Variants in ITGA6 observed in about 807,000 individuals in gnomAD.
ITGA6 encodes the protein integrin alpha-6.
Under a neutral mutation model 133.6 loss-of-function variants are expected in ITGA6, and 63 were observed. The ratio of observed to expected loss-of-function variants is 0.47; its 90% confidence interval spans 0.38 to 0.58. ITGA6 has a LOEUF of 0.58. ITGA6 is among the 20% of genes least tolerant of loss of function. The pLI is 0.00. For missense variants in ITGA6, 1,068 were observed against 1,309.4 expected (o/e 0.82, Z 2.85); for synonymous variants, 434 against 482.0 (o/e 0.90, Z 1.30).
intron 1 of ITGA6, among the ~76,000 whole-genome samples, chr2:172,445,916 G>A (rs1208601044): frequency 6.6e-6 from 1 of 152,222 alleles, no homozygotes; most frequent in Non-Finnish European, 1.5e-5. Flanking sequence ...ATTATTGGAA[G>A]CAGCAGTGTG....
intron 1 of ITGA6, among the ~76,000 whole-genome samples, chr2:172,449,887 C>T (rs1238080753): frequency 1.4e-5 from 2 of 143,428 alleles, no homozygotes; most frequent in Non-Finnish European, 3.0e-5. Flanking sequence ...TGCCACTGCA[C>T]TCCAGCCTGG....
chr2:172,495,920 C>T (rs112740461), intron 23 of ITGA6, among the ~76,000 whole-genome samples: 1 of 152,220 alleles, frequency 6.6e-6, no homozygotes, highest in Non-Finnish European at 1.5e-5. Context: ...AAAGCTGATT[C>T]TCCTTGCCGA....
At chr2:172,475,225 T>C (rs1299764070) in intron 7 of ITGA6, 103 bp downstream of exon 7, 1 of 843,712 alleles carries the variant, frequency 1.2e-6, no homozygotes, top group African/African-American at 1.7e-5. Flanking sequence ...CCCAGCACTT[T>C]GGGAGGCTGA....
At chr2:172,484,297 G>A (rs10930558) in intron 11 of ITGA6, among the ~76,000 whole-genome samples, 45,182 of 152,092 alleles carry the variant, frequency 0.3, 7,739 homozygotes, top group East Asian at 0.81. Context: ...GGTGTGACTG[G>A]GCCTGAGGTT....
chr2:172,437,471 G>A (rs1684368674), intron 1 of ITGA6, among the ~76,000 whole-genome samples: 1 of 152,178 alleles, frequency 6.6e-6, no homozygotes, highest in Non-Finnish European at 1.5e-5. Context: ...TGTGTCCAAA[G>A]TTTTTGACCT....
intron 1 of ITGA6, among the ~76,000 whole-genome samples, chr2:172,447,656 T>C (rs545641052): frequency 1.3e-5 from 2 of 152,344 alleles, no homozygotes; most frequent in South Asian, 2.1e-4. Flanking sequence ...CTTGAGGTTA[T>C]TGAAATTCTT....
At chr2:172,496,199 C>G (rs1428434932) in intron 23 of ITGA6, among the ~76,000 whole-genome samples, 2 of 152,190 alleles carry the variant, frequency 1.3e-5, no homozygotes, top group African/African-American at 2.4e-5. Flanking sequence ...TTGTAGATGT[C>G]CCTGTGCTGA....
At chr2:172,474,505 GTC>G (rs35257362) in intron 6 of ITGA6, among the ~76,000 whole-genome samples, 22,122 of 152,116 alleles carry the variant, frequency 0.15, 1,721 homozygotes, top group Non-Finnish European at 0.17. Context: ...GGGATCATGA[GTC>G]TATGAGAATT....
At chr2:172,438,276 G>A (rs955979248) in intron 1 of ITGA6, among the ~76,000 whole-genome samples, 1 of 151,752 alleles carries the variant, frequency 6.6e-6, no homozygotes, top group South Asian at 2.1e-4. Flanking sequence ...GACGTACCGT[G>A]GGGGAGGTGG....
chr2:172,461,333 T>G (rs963322428), intron 1 of ITGA6, among the ~76,000 whole-genome samples: 1 of 152,228 alleles, frequency 6.6e-6, no homozygotes, highest in Non-Finnish European at 1.5e-5. Context: ...AGTTTTTATT[T>G]CGGTGCAGCT....
intron 24 of ITGA6, among the ~76,000 whole-genome samples, chr2:172,499,021 C>T (rs557840118): frequency 6.6e-6 from 1 of 152,348 alleles, no homozygotes; most frequent in African/African-American, 2.4e-5. Context: ...TTTGGATTCT[C>T]AAACATGTCC....
chr2:172,445,369 G>A (rs1024795411), intron 1 of ITGA6, among the ~76,000 whole-genome samples: 2 of 144,918 alleles, frequency 1.4e-5, no homozygotes, highest in Admixed American at 6.8e-5. Flanking sequence ...AAAAAAAAAG[G>A]CCGGGCGCGG....
chr2:172,444,595 G>A (rs28520502), intron 1 of ITGA6, among the ~76,000 whole-genome samples: 2 of 38,132 alleles, frequency 5.2e-5, no homozygotes, highest in East Asian at 2.0e-3. Context: ...CCCGCCCCCC[G>A]CCCCCCGCCA....
chr2:172,483,685 C>T (rs570518633), intron 11 of ITGA6, among the ~76,000 whole-genome samples: 1 of 152,288 alleles, frequency 6.6e-6, no homozygotes, highest in African/African-American at 2.4e-5. Context: ...TGTAGGTTAT[C>T]AAGAACAGGC....
At position 172,484,870 on chromosome 2, in the gene ITGA6, C is replaced by A; in HGVS notation, c.1638C>A (p.Pro546=). 6.2e-7 allele frequency: 1 copy of A among 1,613,982 alleles called. No homozygotes were observed. Among genetic ancestry groups the A allele is most frequent in the Non-Finnish European group, 8.5e-7 (1 of 1,179,924 alleles). ...AGTTTCGAAACCAAGGTTCTGAGCC[C>A]AAATATACTCAAGAACTAACTCTGA... is the stretch of plus-strand genomic sequence containing the variant. ...RVQFRNQGSE[P]KYTQELTLKR... The change falls in exon 12 of 26, where the codon CCC becomes CCA. Residue 546 remains proline, a synonymous_variant. Transcript: ENST00000684293.
At chr2:172,451,294 G>A (rs1337403261) in intron 1 of ITGA6, among the ~76,000 whole-genome samples, 3 of 151,734 alleles carry the variant, frequency 2.0e-5, no homozygotes, top group Admixed American at 1.3e-4. Context: ...GTGAAACCCT[G>A]TCTCTACTAA....
At chr2:172,434,606 A>G (rs1302739677) in intron 1 of ITGA6, among the ~76,000 whole-genome samples, 1 of 152,164 alleles carries the variant, frequency 6.6e-6, no homozygotes. Flanking sequence ...TCTAAAACCA[A>G]TTAAATGGTA....
At chr2:172,427,420 G>T, upstream of ITGA6, 1 of 1,027,148 alleles carries the variant, frequency 9.7e-7, no homozygotes, top group Non-Finnish European at 1.2e-6. Context: ...GGGCTCCCAC[G>T]TCGTGGCTTC....
intron 1 of ITGA6, among the ~76,000 whole-genome samples, chr2:172,430,766 G>A (rs954541885): frequency 2.0e-5 from 3 of 152,078 alleles, no homozygotes; most frequent in Admixed American, 1.3e-4. Flanking sequence ...AAGAAGTTTC[G>A]GACTCCAAAA....
Sources: allele counts gnomAD v4.1 joint callset (sites outside exome capture counted in the v4.1 genomes callset), GRCh38; gene constraint gnomAD v4.1.1; transcripts MANE v1.5; gene names NCBI Gene and HGNC (gene_info 2026-07-23, HGNC 2026-07-21).